Variants in SVIL observed in about 807,000 individuals in gnomAD.
The protein encoded by SVIL is supervillin, also known as archvillin.
SVIL carries 101 observed loss-of-function variants against 240.4 expected under a neutral mutation model. The ratio of observed to expected loss-of-function variants is 0.42; its 90% CI spans 0.36 to 0.50. SVIL has a LOEUF of 0.50. SVIL is among the 20% of genes least tolerant of loss of function. The pLI is 0.01. For missense variants in SVIL, 2,512 were observed against 2,818.7 expected (o/e 0.89, Z 2.46); for synonymous variants, 999 against 1,100.0 (o/e 0.91, Z 1.82).
intron 2 of SVIL, among the ~76,000 whole-genome samples, chr10:29,568,329 G>GCT (rs763955981): frequency 1.7e-3 from 260 of 152,044 alleles, no homozygotes; most frequent in Non-Finnish European, 2.7e-3. Flanking sequence ...TGCAGAGCAG[G>GCT]CTCAGCCTGA....
At chr10:29,474,594 C>CAAATAAATAAAT (rs59193522) in intron 29 of SVIL, among the ~76,000 whole-genome samples, 1 of 140,130 alleles carries the variant, frequency 7.1e-6, no homozygotes, top group Non-Finnish European at 1.5e-5. Flanking sequence ...GACTCTCTTA[C>CAAATAAATAAAT]AAATAAATAA....
At chr10:29,497,496 C>T (rs1185014683) in intron 18 of SVIL, among the ~76,000 whole-genome samples, 1 of 152,146 alleles carries the variant, frequency 6.6e-6, no homozygotes, top group East Asian at 1.9e-4. Flanking sequence ...CTTTACTAAC[C>T]AAGTGATATG....
intron 2 of SVIL, among the ~76,000 whole-genome samples, chr10:29,667,255 G>A (rs922080112): frequency 6.6e-6 from 1 of 152,142 alleles, no homozygotes; most frequent in African/African-American, 2.4e-5. Flanking sequence ...CCTTTGGTGA[G>A]TGAATAAGCA....
intron 1 of SVIL, among the ~76,000 whole-genome samples, chr10:29,721,900 A>C (rs897470910): frequency 7.9e-5 from 12 of 152,176 alleles, no homozygotes; most frequent in African/African-American, 2.9e-4. Context: ...TTGCAGGCTA[A>C]CCAGGAGTTA....
At chr10:29,628,143 T>C (rs543942538) in intron 1 of SVIL, among the ~76,000 whole-genome samples, 1 of 152,306 alleles carries the variant, frequency 6.6e-6, no homozygotes, top group South Asian at 2.1e-4. Flanking sequence ...AAACAAAAAA[T>C]TCCTAAGAAA....
At chr10:29,514,214 T>C (rs1950055875) in intron 16 of SVIL, among the ~76,000 whole-genome samples, 1 of 152,164 alleles carries the variant, frequency 6.6e-6, no homozygotes, top group South Asian at 2.1e-4. Context: ...TCCATAAATA[T>C]TAAATCCATA....
chr10:29,545,943 CAT>C (rs1181368417), intron 6 of SVIL, among the ~76,000 whole-genome samples: 7 of 150,058 alleles, frequency 4.7e-5, no homozygotes, highest in Non-Finnish European at 1.0e-4. Context: ...TTGCCAGTCA[CAT>C]AGTTCCCTGA....
chr10:29,516,676 C>G (rs909429746), intron 16 of SVIL, among the ~76,000 whole-genome samples: 24 of 152,250 alleles, frequency 1.6e-4, no homozygotes, highest in East Asian at 3.8e-4. Context: ...TGGGCAGTGG[C>G]TAGGCCTGGG....
At position 29,615,249 on chromosome 10, in the gene SVIL, TTTAA is replaced by T. The variant is rs375789293; in HGVS notation, c.-201+19167_-201+19170del. Among the ~76,000 whole-genome samples the T allele has an allele frequency of 3.9e-4, 59 of 152,370 alleles. No homozygotes were observed. In the South Asian group the frequency reaches 6.6e-3, roughly 17 times the overall value. ...TTGATCTTATCTCATTTGCTTTAGC[TTTAA>T]TTAAAGAATTTTCTAGATGTTTGCC... On this transcript the variant is annotated intron_variant, in intron 1 of 37. Coordinates refer to ENST00000355867, the MANE Select transcript of SVIL (RefSeq NM_021738.3).
At chr10:29,592,741 G>A (rs1447600051) in intron 1 of SVIL, among the ~76,000 whole-genome samples, 3 of 152,168 alleles carry the variant, frequency 2.0e-5, no homozygotes, top group African/African-American at 7.2e-5. Context: ...AAGAAGCCTA[G>A]CTGATTTTCA....
At chr10:29,605,341 G>C (rs1000479654) in intron 1 of SVIL, among the ~76,000 whole-genome samples, 1 of 152,206 alleles carries the variant, frequency 6.6e-6, no homozygotes, top group Non-Finnish European at 1.5e-5. Context: ...AATCGCACCA[G>C]TTTACATTCC....
At chr10:29,502,331 A>G (rs1196344153) in intron 17 of SVIL, among the ~76,000 whole-genome samples, 1 of 152,208 alleles carries the variant, frequency 6.6e-6, no homozygotes. Flanking sequence ...ACAATTTAGA[A>G]CTCAAAATGT....
intron 17 of SVIL, among the ~76,000 whole-genome samples, chr10:29,509,846 G>C (rs1261816107): frequency 2.6e-5 from 4 of 151,818 alleles, no homozygotes; most frequent in African/African-American, 2.4e-5. Flanking sequence ...ATGAAACTTT[G>C]TCTCAAAAAA....
intron 3 of SVIL, among the ~76,000 whole-genome samples, chr10:29,654,374 A>T (rs894840571): frequency 3.9e-5 from 6 of 152,078 alleles, no homozygotes; most frequent in Admixed American, 1.3e-4. Flanking sequence ...TTGATTTTGT[A>T]TATTAATCTT....
At chr10:29,512,027 G>A (rs1949876110) in intron 17 of SVIL, among the ~76,000 whole-genome samples, 2 of 152,176 alleles carry the variant, frequency 1.3e-5, no homozygotes, top group Admixed American at 6.5e-5. Flanking sequence ...GCATCATTTC[G>A]CCTCCAGCCA....
At chr10:29,554,955 G>A in intron 4 of SVIL, 21 bp from the exon 5 acceptor site, 2 of 1,610,322 alleles carry the variant, frequency 1.2e-6, no homozygotes, top group Non-Finnish European at 1.7e-6. Context: ...CACCACAAGA[G>A]GCAGAGTGAG....
At chr10:29,624,717 C>G (rs1222806404) in intron 1 of SVIL, among the ~76,000 whole-genome samples, 1 of 151,962 alleles carries the variant, frequency 6.6e-6, no homozygotes, top group East Asian at 1.9e-4. Flanking sequence ...CATCAATGCT[C>G]ATGTTAGCCA....
In SVIL at chr10:29,550,631, C is replaced by T. The variant is rs767138965; in HGVS notation, c.793G>A (p.Gly265Ser). The change falls in exon 6 of 38, where the codon GGT becomes AGT. Residue 265 changes from glycine (G) to serine (S), a missense_variant. Physicochemically the swap from Gly to Ser is moderately conservative, Grantham distance 56 (BLOSUM62 0). Around this residue, in one of 3 missense-constraint regions of SVIL, gnomAD observed 1,443 missense variants for 1,486.6 expected, o/e 0.97. Transcript: ENST00000355867. The part of the protein sequence containing the change: ...QQAASRSPSF[G>S]DPQLSPEARP... ...GCCTCAGGGGATAGCTGTGGGTCAC[C>T]AAAGGAGGGGCTCCGGGAGGCTGCC... The T allele has an allele frequency of 6.2e-7, 1 of 1,613,154 alleles. No homozygotes were observed. The highest frequency in any genetic ancestry group is 8.5e-7 in the Non-Finnish European group (1 of 1,179,568).
intron 1 of SVIL, among the ~76,000 whole-genome samples, chr10:29,582,174 C>T (rs1364911813): frequency 3.3e-5 from 5 of 152,144 alleles, no homozygotes; most frequent in East Asian, 3.8e-4. Context: ...CACCTAAATG[C>T]CACCGAACTG....
Sources: gnomAD v4.1 joint callset for allele counts (sites outside exome capture counted in the v4.1 genomes callset) on GRCh38, gnomAD v4.1.1 for gene constraint, gnomAD v4.1.1 regional missense constraint, MANE v1.5 for transcripts, NCBI Gene and HGNC (gene_info 2026-07-23, HGNC 2026-07-21) for gene names.